The following EYA1 variants were observed in gnomAD, a reference collection of about 807,000 sequenced individuals.
The protein encoded by EYA1 is protein phosphatase EYA1.
Under a neutral mutation model 82.0 loss-of-function variants are expected in EYA1, and 16 were observed. The observed-to-expected ratio is 0.20, with a 90% CI of 0.13 to 0.30. The LOEUF (loss-of-function observed/expected upper bound fraction) is 0.30, where lower values mean the gene tolerates loss of function less well. Among genes scored for constraint, EYA1 ranks in the 10% least tolerant of loss-of-function variants. The pLI is 1.00. For synonymous variants in EYA1, 261 were observed against 264.4 expected, an observed-to-expected ratio of 0.99 and a Z score of 0.12; for missense variants, 633 against 730.7, an observed-to-expected ratio of 0.87 and a Z score of 1.54.
chr8:71,351,318 CA>C (rs1826284497), intron 3 of EYA1, among the ~76,000 whole-genome samples: 1 of 152,156 alleles, frequency 6.6e-6, no homozygotes, highest in South Asian at 2.1e-4. Context: ...TTAATAGTAA[CA>C]AAAATATGCA....
intron 11 of EYA1, among the ~76,000 whole-genome samples, chr8:71,267,819 A>AT: frequency 6.6e-6 from 1 of 152,314 alleles, no homozygotes; most frequent in East Asian, 1.9e-4. Flanking sequence ...AAGTGCTGGG[A>AT]TTACAGGCAT....
intron 2 of EYA1, among the ~76,000 whole-genome samples, chr8:71,387,026 C>T (rs1435923005): frequency 6.6e-6 from 1 of 152,098 alleles, no homozygotes; most frequent in Non-Finnish European, 1.5e-5. Context: ...AAGATTGTAC[C>T]ACACGCTGAT....
At position 71,499,395 on chromosome 8, in the gene EYA1, T is replaced by C. The variant is rs1338120993; in HGVS notation, c.33+36349A>G. Among the ~76,000 whole-genome samples, 3 of 152,170 alleles carry C rather than the reference T, an allele frequency of 2.0e-5. No homozygotes were observed. In the South Asian group the frequency reaches 6.2e-4, roughly 32 times the overall value. On this transcript the variant is annotated intron_variant, in intron 2 of 18. Transcript: ENST00000643681. Reference sequence around the variant, plus strand: ...TTATGCCTGTGAAGTAGTACAATCATCTCTATTTTACAAACACAGAAACTG... The same window carrying C: ...TTATGCCTGTGAAGTAGTACAATCACCTCTATTTTACAAACACAGAAACTG...
Position 71,448,206 on chromosome 8 carries a change from C to T in EYA1, c.33+87538G>A, listed in dbSNP as rs150699874. Among the ~76,000 whole-genome samples, 1,392 of 152,002 alleles carry T rather than the reference C, an allele frequency of 9.2e-3. 12 individuals carry two copies. The highest frequency in any genetic ancestry group is 0.032 in the African/African-American group (1,315 of 41,444). On this transcript the variant is annotated intron_variant, in intron 2 of 18. Coordinates refer to the EYA1 transcript ENST00000643681. ...GCCTTTCATGCACAATAGGACTTCT[C>T]GCAAAATTAAAGACAATCTTCTCAA...
intron 2 of EYA1, among the ~76,000 whole-genome samples, chr8:71,436,841 G>A (rs1479931429): frequency 6.6e-6 from 1 of 152,010 alleles, no homozygotes; most frequent in Admixed American, 6.6e-5. Flanking sequence ...CACTAATAAA[G>A]GAAAGGTCAT....
Position 71,306,002 on chromosome 8 carries a change from C to T in EYA1, c.557-6282G>A, listed in dbSNP as rs75356658. Reference sequence around the variant, plus strand: ...AAGTGGGCATCATGAACCTATCCCTCGAAGAAAGTTTGAAAATCCCACACA... The same window carrying T: ...AAGTGGGCATCATGAACCTATCCCTTGAAGAAAGTTTGAAAATCCCACACA... On this transcript the variant is annotated intron_variant, in intron 7 of 17. Coordinates refer to ENST00000340726, the MANE Select transcript of EYA1 (RefSeq NM_000503.6). Among the ~76,000 whole-genome samples the T allele has an allele frequency of 1.8e-3, 267 of 152,234 alleles. 8 individuals are homozygous for T. In the East Asian group the frequency reaches 0.04, roughly 23 times the overall value.
chr8:71,489,629 A>T, intron 2 of EYA1, among the ~76,000 whole-genome samples: 1 of 152,204 alleles, frequency 6.6e-6, no homozygotes, highest in East Asian at 1.9e-4. Context: ...GTACCATTTG[A>T]CTGCTTCTGT....
intron 2 of EYA1, among the ~76,000 whole-genome samples, chr8:71,373,219 G>A (rs1343568741): frequency 6.6e-6 from 1 of 152,068 alleles, no homozygotes; most frequent in Non-Finnish European, 1.5e-5. Flanking sequence ...CTGGTGATAT[G>A]ATGCTATATG....
intron 11 of EYA1, among the ~76,000 whole-genome samples, chr8:71,251,805 G>C (rs1039639375): frequency 3.4e-5 from 5 of 148,244 alleles, no homozygotes; most frequent in Non-Finnish European, 7.4e-5. Context: ...CATCAACCCT[G>C]GTCCACTACC....
chr8:71,444,625 C>T (rs187315460), intron 2 of EYA1, among the ~76,000 whole-genome samples: 43 of 152,314 alleles, frequency 2.8e-4, no homozygotes, highest in African/African-American at 9.6e-4. Context: ...GGAGCACTAA[C>T]TTGGTACGAG....
chr8:71,437,790 A>C (rs979832382), intron 2 of EYA1, among the ~76,000 whole-genome samples: 2 of 152,122 alleles, frequency 1.3e-5, no homozygotes, highest in Non-Finnish European at 2.9e-5. Context: ...ACAGTACCAG[A>C]TGATCTGAAG....
At chr8:71,395,353 C>T (rs1157268577) in intron 2 of EYA1, among the ~76,000 whole-genome samples, 78 of 146,404 alleles carry the variant, frequency 5.3e-4, no homozygotes, top group African/African-American at 1.7e-3. Flanking sequence ...TGAGAGAGGG[C>T]ATCCCTGTCT....
intron 2 of EYA1, among the ~76,000 whole-genome samples, chr8:71,506,251 T>C (rs914279045): frequency 6.6e-6 from 1 of 152,174 alleles, no homozygotes. Context: ...TGATGAGAAA[T>C]GTCAAAGGCA....
intron 4 of EYA1, among the ~76,000 whole-genome samples, chr8:71,330,497 C>T (rs1013347119): frequency 1.3e-5 from 2 of 152,160 alleles, no homozygotes; most frequent in East Asian, 1.9e-4. Context: ...ATTTCCTTTC[C>T]TTCCCTTCTT....
At chr8:71,245,805 G>C (rs915561773) in intron 11 of EYA1, among the ~76,000 whole-genome samples, 1 of 152,162 alleles carries the variant, frequency 6.6e-6, no homozygotes, top group Non-Finnish European at 1.5e-5. Flanking sequence ...GTCCAGCTCA[G>C]GGAGCTGATC....
At chr8:71,307,937 A>C (rs1462393931) in intron 7 of EYA1, among the ~76,000 whole-genome samples, 1 of 152,230 alleles carries the variant, frequency 6.6e-6, no homozygotes, top group Non-Finnish European at 1.5e-5. Flanking sequence ...TTGTGTAAGA[A>C]AAACTTCAAA....
At chr8:71,300,184 A>G (rs1365366135) in intron 7 of EYA1, among the ~76,000 whole-genome samples, 2 of 152,202 alleles carry the variant, frequency 1.3e-5, no homozygotes, top group Admixed American at 1.3e-4. Context: ...GTATGGAAAA[A>G]GCCATTTCAT....
At chr8:71,467,242 G>A (rs1459675618) in intron 2 of EYA1, among the ~76,000 whole-genome samples, 2 of 151,960 alleles carry the variant, frequency 1.3e-5, no homozygotes, top group African/African-American at 4.8e-5. Context: ...TTTAAAATGT[G>A]AAAAATTAAT....
At chr8:71,363,394 A>G (rs1349935045), upstream of EYA1, among the ~76,000 whole-genome samples, 1 of 152,162 alleles carries the variant, frequency 6.6e-6, no homozygotes, top group Non-Finnish European at 1.5e-5. Flanking sequence ...AAGTATGCCA[A>G]TCTGAATTCC....
Sources: allele counts gnomAD v4.1 joint callset (sites outside exome capture counted in the v4.1 genomes callset), GRCh38; gene constraint gnomAD v4.1.1; transcripts MANE v1.5; gene names NCBI Gene and HGNC (gene_info 2026-07-23, HGNC 2026-07-21).